Variants in ANKRD30BL observed in about 807,000 individuals in gnomAD.
The protein encoded by ANKRD30BL is ankyrin repeat domain 30B like.
A neutral mutation model predicts 18.4 loss-of-function variants in ANKRD30BL; 20 were observed. That is an observed-to-expected ratio of 1.09 (90% CI 0.77 to 1.58). The LOEUF is 1.58. Ranked by LOEUF, ANKRD30BL falls within the 40% of genes most tolerant of loss-of-function variation. The probability of loss-of-function intolerance (pLI) is 0.00; values close to 1 mark genes in which losing one functional copy is unlikely to be tolerated. For synonymous variants in ANKRD30BL, 72 were observed against 100.9 expected, an observed-to-expected ratio of 0.71 and a Z score of 1.72; for missense variants, 224 against 268.6, an observed-to-expected ratio of 0.83 and a Z score of 1.16.
At chr2:132,242,289 A>C (rs1258427722) in intron 1 of ANKRD30BL, among the ~76,000 whole-genome samples, 4 of 151,716 alleles carry the variant, frequency 2.6e-5, no homozygotes, top group African/African-American at 9.7e-5. Context: ...TTCATGGAGA[A>C]GTTTTCAAAC....
chr2:132,221,725 C>A (rs1330056118), intron 1 of ANKRD30BL, among the ~76,000 whole-genome samples: 3 of 107,338 alleles, frequency 2.8e-5, no homozygotes, highest in Non-Finnish European at 1.8e-5. Flanking sequence ...CCAGCCGCCC[C>A]GTCCGGGAGG....
At chr2:132,150,127 T>C (rs954887674) in intron 5 of ANKRD30BL, among the ~76,000 whole-genome samples, 11 of 152,106 alleles carry the variant, frequency 7.2e-5, no homozygotes, top group Non-Finnish European at 1.6e-4. Context: ...TAATTAATTC[T>C]AATTTTCTGA....
intron 1 of ANKRD30BL, among the ~76,000 whole-genome samples, chr2:132,198,312 CTTTCTTTCTTTCTTTTTT>C: frequency 8.2e-5 from 1 of 12,226 alleles, no homozygotes; most frequent in Non-Finnish European, 2.2e-4. Context: ...TTCTTTCTTT[CTTTCTTTCTTTCTTTTTT>C]TTTTTTTTTT....
intron 1 of ANKRD30BL, among the ~76,000 whole-genome samples, chr2:132,194,705 T>G (rs371199722): frequency 6.6e-6 from 1 of 152,214 alleles, no homozygotes; most frequent in East Asian, 1.9e-4. Flanking sequence ...TCTTGCAAAT[T>G]TAATTCCATG....
intron 1 of ANKRD30BL, among the ~76,000 whole-genome samples, chr2:132,221,762 C>A (rs1323381242): frequency 1.9e-5 from 2 of 105,092 alleles, no homozygotes; most frequent in African/African-American, 1.0e-4. Flanking sequence ...CCGGCCGCCC[C>A]TACTGGGAAG....
intron 1 of ANKRD30BL, among the ~76,000 whole-genome samples, chr2:132,248,459 T>C (rs1388568620): frequency 6.6e-6 from 1 of 151,470 alleles, no homozygotes; most frequent in African/African-American, 2.4e-5. Context: ...TTTTTCACCA[T>C]ACCTATCAAA....
chr2:132,176,571 A>T (rs1688370298), intron 1 of ANKRD30BL, among the ~76,000 whole-genome samples: 1 of 152,058 alleles, frequency 6.6e-6, no homozygotes, highest in Non-Finnish European at 1.5e-5. Context: ...AGGTTGTGCC[A>T]TTGTACTCCA....
chr2:132,160,466 T>C (rs1688025860), intron 1 of ANKRD30BL, among the ~76,000 whole-genome samples: 1 of 143,006 alleles, frequency 7.0e-6, no homozygotes, highest in Non-Finnish European at 1.5e-5. Context: ...TGAGACGGAG[T>C]CTTGCTCTGT....
At chr2:132,220,241 C>T (rs534859425) in intron 1 of ANKRD30BL, among the ~76,000 whole-genome samples, 104 of 151,806 alleles carry the variant, frequency 6.9e-4, no homozygotes, top group Non-Finnish European at 1.2e-3. Flanking sequence ...CAGTGTTGAA[C>T]CTTTCTTTTG....
At chr2:132,174,055 A>G (rs1353353433) in intron 1 of ANKRD30BL, among the ~76,000 whole-genome samples, 1 of 152,222 alleles carries the variant, frequency 6.6e-6, no homozygotes, top group Non-Finnish European at 1.5e-5. Context: ...CTCCCAACGA[A>G]CATAACTAGG....
At chr2:132,234,506 T>C (rs1680101543) in intron 1 of ANKRD30BL, among the ~76,000 whole-genome samples, 1 of 151,856 alleles carries the variant, frequency 6.6e-6, no homozygotes, top group Non-Finnish European at 1.5e-5. Context: ...AAAGGGGATA[T>C]CACCACCGAT....
rs59110037 is a variant in ANKRD30BL at position 132,160,767 on chromosome 2, C to T, written c.218+721G>A. Reference sequence around the variant, plus strand: ...GCAAATTAATAGCACATTTTGAAATCTAGAAGGGCAAGACTTTTCTACTCC... The same window carrying T: ...GCAAATTAATAGCACATTTTGAAATTTAGAAGGGCAAGACTTTTCTACTCC... On this transcript the variant is annotated intron_variant, in intron 1 of 5. Coordinates refer to ENST00000409867, the MANE Select transcript of ANKRD30BL (RefSeq NM_001358416.1). Among the ~76,000 whole-genome samples the T allele has an allele frequency of 4.2e-3, 634 of 152,122 alleles. 7 individuals are homozygous for T. Among genetic ancestry groups the T allele is most frequent in the African/African-American group, 0.014 (596 of 41,462 alleles).
At chr2:132,171,810 T>C (rs930849465) in intron 1 of ANKRD30BL, among the ~76,000 whole-genome samples, 2 of 152,186 alleles carry the variant, frequency 1.3e-5, no homozygotes, top group African/African-American at 2.4e-5. Context: ...GCACAACCTT[T>C]ACCACCGTTC....
At position 132,257,471 on chromosome 2, in the gene ANKRD30BL, G is replaced by C. The variant is rs1299646154; in HGVS notation, n.441+58C>G. ...AGGCGCGGGCCACACAGTAGGCGAC[G>C]AGCTTCCCTGGGTCCCCACCGCGGA... is the stretch of plus-strand genomic sequence containing the variant. On this transcript the variant is annotated intron_variant and non_coding_transcript_variant, in intron 1 of 4. Transcript: ENST00000470729. 6 of 271,472 alleles carry C rather than the reference G, an allele frequency of 2.2e-5. No homozygotes were observed. In the East Asian group the frequency reaches 7.9e-4, roughly 36 times the overall value. The allele number at this position is 271,472 out of a possible 1,614,324, so 16.8% of individuals were successfully genotyped here.
intron 1 of ANKRD30BL, among the ~76,000 whole-genome samples, chr2:132,222,192 G>A (rs1449764871): frequency 6.4e-5 from 9 of 139,842 alleles, no homozygotes; most frequent in East Asian, 2.2e-4. Context: ...CTGGCCAGCC[G>A]CCCCGTCCGG....
intron 1 of ANKRD30BL, among the ~76,000 whole-genome samples, chr2:132,255,151 C>T (rs1049504365): frequency 1.4e-4 from 22 of 152,236 alleles, no homozygotes; most frequent in Admixed American, 7.2e-4. Context: ...ACAACGGTAT[C>T]TGATCGTCTT....
At chr2:132,206,555 C>G (rs1217702459) in intron 1 of ANKRD30BL, among the ~76,000 whole-genome samples, 2 of 152,098 alleles carry the variant, frequency 1.3e-5, no homozygotes, top group Non-Finnish European at 2.9e-5. Flanking sequence ...TACTTCATGG[C>G]TTGTGAGGAT....
intron 1 of ANKRD30BL, among the ~76,000 whole-genome samples, chr2:132,221,582 T>C (rs1409268565): frequency 3.5e-4 from 30 of 86,726 alleles, no homozygotes; most frequent in Admixed American, 4.9e-4. Flanking sequence ...CCGCCCAGTC[T>C]GGGAGGGAGG....
intron 1 of ANKRD30BL, among the ~76,000 whole-genome samples, chr2:132,170,135 A>G (rs1254503094): frequency 6.6e-6 from 1 of 151,952 alleles, no homozygotes; most frequent in Non-Finnish European, 1.5e-5. Flanking sequence ...TCTAATTTCT[A>G]TTTTTCTCTG....
Sources: allele counts gnomAD v4.1 joint callset (sites outside exome capture counted in the v4.1 genomes callset), GRCh38; gene constraint gnomAD v4.1.1; transcripts MANE v1.5; gene names NCBI Gene and HGNC (gene_info 2026-07-23, HGNC 2026-07-21).